The following ACSS3 variants were observed in gnomAD, a reference collection of about 807,000 sequenced individuals.
ACSS3 encodes the protein acyl-CoA synthetase short-chain family member 3, mitochondrial.
In ACSS3, 64 loss-of-function variants were observed where a neutral mutation model predicts 84.2. The ratio of observed to expected loss-of-function variants is 0.76; its 90% confidence interval spans 0.62 to 0.94. ACSS3 has a LOEUF of 0.94. ACSS3 is among the 40% of genes least tolerant of loss of function. The pLI is 0.00. For missense variants in ACSS3, 815 were observed against 867.6 expected (o/e 0.94, Z 0.76); for synonymous variants, 317 against 310.1 (o/e 1.02, Z -0.23).
At chr12:81,140,067 A>G (rs989301781) in intron 4 of ACSS3, among the ~76,000 whole-genome samples, 1 of 152,206 alleles carries the variant, frequency 6.6e-6, no homozygotes, top group Admixed American at 6.5e-5. Flanking sequence ...CAAGATGCGA[A>G]TGCATGCGCT....
Position 81,233,346 on chromosome 12 carries a change from C to G in ACSS3, c.1597-3C>G, listed in dbSNP as rs761612712. ...ATCAAATGTTATTTTTTCTTGTTTT[C>G]AGGGATATTATGATACCATGGATGC... is the stretch of plus-strand genomic sequence containing the variant. On this transcript the variant is annotated splice_polypyrimidine_tract_variant and splice_region_variant and intron_variant, in intron 12 of 15. Coordinates refer to ENST00000548058, the MANE Select transcript of ACSS3 (RefSeq NM_024560.4). 1 of 1,607,430 alleles carries G rather than the reference C, an allele frequency of 6.2e-7. No individual in the cohort carries two copies. The highest frequency in any genetic ancestry group is 1.7e-5 in the Admixed American group (1 of 59,454).
chr12:81,095,624 G>A (rs1881989257), intron 1 of ACSS3, among the ~76,000 whole-genome samples: 1 of 152,146 alleles, frequency 6.6e-6, no homozygotes, highest in Non-Finnish European at 1.5e-5. Flanking sequence ...CACTGACAGT[G>A]GATTCAGTTC....
At chr12:81,099,762 A>G (rs994218746) in intron 1 of ACSS3, among the ~76,000 whole-genome samples, 25 of 152,258 alleles carry the variant, frequency 1.6e-4, no homozygotes, top group African/African-American at 6.0e-4. Context: ...TAATATTTGA[A>G]TAGTAAATAC....
chr12:81,196,725 A>C (rs974040539), intron 8 of ACSS3, among the ~76,000 whole-genome samples: 4 of 152,096 alleles, frequency 2.6e-5, no homozygotes, highest in African/African-American at 9.7e-5. Flanking sequence ...GCCTACAATC[A>C]TGGTGGAAGG....
At chr12:81,228,910 A>AT (rs903498935) in intron 11 of ACSS3, among the ~76,000 whole-genome samples, 2 of 151,634 alleles carry the variant, frequency 1.3e-5, no homozygotes, top group African/African-American at 4.8e-5. Flanking sequence ...TTTAATATAT[A>AT]TTTTTTGATA....
intron 13 of ACSS3, among the ~76,000 whole-genome samples, chr12:81,242,173 G>C (rs936409978): frequency 5.9e-5 from 9 of 151,914 alleles, no homozygotes; most frequent in Non-Finnish European, 1.0e-4. Context: ...TGATAAAGGG[G>C]ATATCACCAC....
At chr12:81,212,374 TG>T (rs1204272292) in intron 9 of ACSS3, among the ~76,000 whole-genome samples, 2 of 152,182 alleles carry the variant, frequency 1.3e-5, no homozygotes, top group East Asian at 3.9e-4. Context: ...TTTGCAAGTA[TG>T]GGGGACTGGG....
chr12:81,254,074 G>A (rs1443240149), intron 15 of ACSS3, among the ~76,000 whole-genome samples: 4 of 152,044 alleles, frequency 2.6e-5, no homozygotes, highest in Non-Finnish European at 5.9e-5. Flanking sequence ...ACAGGTGCAT[G>A]CAACTGTGCC....
intron 8 of ACSS3, among the ~76,000 whole-genome samples, chr12:81,184,080 A>C (rs2031106286): frequency 6.6e-6 from 1 of 152,042 alleles, no homozygotes; most frequent in South Asian, 2.1e-4. Context: ...GATTGAAATA[A>C]TATTTAGTAT....
At chr12:81,169,610 C>A (rs572892560) in intron 7 of ACSS3, among the ~76,000 whole-genome samples, 2 of 152,154 alleles carry the variant, frequency 1.3e-5, no homozygotes, top group South Asian at 4.2e-4. Context: ...TGAGCAATGT[C>A]TTTTATTGTT....
At chr12:81,208,452 T>A (rs1431138709) in intron 9 of ACSS3, among the ~76,000 whole-genome samples, 1 of 151,754 alleles carries the variant, frequency 6.6e-6, no homozygotes, top group Non-Finnish European at 1.5e-5. Context: ...TAACTTGGCC[T>A]TTTCCCTCTT....
rs1461417821 is a variant in ACSS3 at position 81,200,587 on chromosome 12, T to G, written c.1354+1143T>G. 2.6e-5 allele frequency among the ~76,000 whole-genome samples: 4 copies of G among 152,062 alleles called. No homozygotes were observed. In the East Asian group the frequency reaches 7.7e-4, roughly 29 times the overall value. On this transcript the variant is annotated intron_variant, in intron 9 of 15. Coordinates refer to ENST00000548058, the MANE Select transcript of ACSS3 (RefSeq NM_024560.4). ...TTTTATATTATGTCCTTGAATATTGTTCTTTAAAAATGTGTTTTCTGACTG... is the reference window on the plus strand; with the variant it reads ...TTTTATATTATGTCCTTGAATATTGGTCTTTAAAAATGTGTTTTCTGACTG...
Position 81,095,015 on chromosome 12 carries a change from A to G in ACSS3, c.312-14545A>G, listed in dbSNP as rs1244906023. ...TTTCATTATTGTTATCATCAGGAAT[A>G]CATGCTTCTGTTTTTTCCAACAAAT... is the stretch of plus-strand genomic sequence containing the variant. On this transcript the variant is annotated intron_variant, in intron 1 of 15. Coordinates refer to ENST00000548058, the MANE Select transcript of ACSS3 (RefSeq NM_024560.4). 4.6e-5 allele frequency among the ~76,000 whole-genome samples: 7 copies of G among 152,200 alleles called. No homozygotes were observed. The East Asian group carries it at 1.4e-3, about 29-fold the overall frequency.
chr12:81,129,377 A>G (rs1885335565), intron 2 of ACSS3, among the ~76,000 whole-genome samples: 2 of 152,182 alleles, frequency 1.3e-5, no homozygotes, highest in Non-Finnish European at 2.9e-5. Flanking sequence ...GGGAATAGTG[A>G]GTTCTATGGC....
chr12:81,249,105 A>G lies in ACSS3; in HGVS notation c.1720-4202A>G, dbSNP rs1593242669. Among the ~76,000 whole-genome samples, 5 of 151,972 alleles carry G rather than the reference A, an allele frequency of 3.3e-5. No individual in the cohort carries two copies. The South Asian group carries it at 1.0e-3, about 31-fold the overall frequency. On this transcript the variant is annotated intron_variant, in intron 13 of 15. Coordinates refer to ENST00000548058, the MANE Select transcript of ACSS3 (RefSeq NM_024560.4). ...AATCAAGTCTATTTTTAAAGTGTTG[A>G]TTAGTTTTTGAAAGCCCAGCATTGA...
intron 7 of ACSS3, among the ~76,000 whole-genome samples, chr12:81,172,297 C>CT (rs1034134916): frequency 7.0e-6 from 1 of 142,674 alleles, no homozygotes; most frequent in Non-Finnish European, 1.5e-5. Context: ...GATCCATGCC[C>CT]TTTTTTTTAG....
At chr12:81,238,249 C>T (rs1245088846) in intron 13 of ACSS3, among the ~76,000 whole-genome samples, 1 of 151,344 alleles carries the variant, frequency 6.6e-6, no homozygotes, top group Non-Finnish European at 1.5e-5. Flanking sequence ...ACATTGGCAT[C>T]TATGCTCATG....
At chr12:81,176,675 A>T (rs962482922) in intron 8 of ACSS3, among the ~76,000 whole-genome samples, 4 of 151,332 alleles carry the variant, frequency 2.6e-5, no homozygotes, top group African/African-American at 7.4e-5. Context: ...AATCAGTAAT[A>T]AAAAAAACCT....
At position 81,196,242 on chromosome 12, in the gene ACSS3, C is replaced by T. The variant is rs546659372; in HGVS notation, c.1251-3099C>T. ...GTTTCTTCAGAAAGTCATGATCTAC[C>T]TCTACACTCTCCCATATGGTAGCCT... On this transcript the variant is annotated intron_variant, in intron 8 of 15. Transcript: ENST00000548058. Among the ~76,000 whole-genome samples the T allele has an allele frequency of 1.4e-3, 212 of 152,200 alleles. 2 individuals carry two copies. The highest frequency in any genetic ancestry group is 2.6e-3 in the Non-Finnish European group (180 of 67,988).
Sources: allele counts gnomAD v4.1 joint callset (sites outside exome capture counted in the v4.1 genomes callset), GRCh38; gene constraint gnomAD v4.1.1; transcripts MANE v1.5; gene names NCBI Gene and HGNC (gene_info 2026-07-23, HGNC 2026-07-21).